TIMP3: variants seen among roughly 807,000 people sequenced by gnomAD.
TIMP3 encodes the protein metalloproteinase inhibitor 3.
TIMP3 carries 11 observed loss-of-function variants against 30.0 expected under a neutral mutation model. That is an observed-to-expected ratio of 0.37 (90% CI 0.23 to 0.61). The LOEUF is 0.61. Ranked by LOEUF, TIMP3 falls within the 20% of genes least tolerant of loss-of-function variation. The pLI is 0.70. For synonymous variants in TIMP3, 112 were observed against 111.3 expected, an observed-to-expected ratio of 1.01 and a Z score of -0.04; for missense variants, 181 against 276.8, an observed-to-expected ratio of 0.65 and a Z score of 2.45.
Position 32,844,859 on chromosome 22 carries a change from C to T in TIMP3, c.122-4593C>T, listed in dbSNP as rs563947345. Reference sequence around the variant, plus strand: ...CTGAGTAGCTGAGACTACAGATACACGGCACCATGCCTGGCTAATTGTTTT... The same window carrying T: ...CTGAGTAGCTGAGACTACAGATACATGGCACCATGCCTGGCTAATTGTTTT... On this transcript the variant is annotated intron_variant, in intron 1 of 4. Transcript: ENST00000266085. 9.2e-5 allele frequency among the ~76,000 whole-genome samples: 14 copies of T among 152,034 alleles called. No homozygotes were observed. The East Asian group carries it at 1.7e-3, about 19-fold the overall frequency.
intron 3 of TIMP3, among the ~76,000 whole-genome samples, chr22:32,857,564 C>G (rs2048405871): frequency 6.6e-6 from 1 of 152,210 alleles, no homozygotes; most frequent in South Asian, 2.1e-4. Flanking sequence ...AGCTCCACCA[C>G]TCACCTGGGG....
At chr22:32,804,933 C>T (rs932859636) in intron 1 of TIMP3, among the ~76,000 whole-genome samples, 8 of 152,146 alleles carry the variant, frequency 5.3e-5, no homozygotes, top group African/African-American at 1.4e-4. Flanking sequence ...ATGAAGAAGG[C>T]GGCCTCGGCC....
chr22:32,802,360 CCTAA>C (rs748265239), intron 1 of TIMP3, among the ~76,000 whole-genome samples: 3 of 152,102 alleles, frequency 2.0e-5, no homozygotes, highest in Non-Finnish European at 2.9e-5. Context: ...CCTTTGCTTT[CCTAA>C]CTTAGGTCGT....
intron 1 of TIMP3, among the ~76,000 whole-genome samples, chr22:32,843,813 T>C (rs577186345): frequency 5.5e-4 from 84 of 152,272 alleles, no homozygotes; most frequent in African/African-American, 1.9e-3. Context: ...TTTGAAGAAA[T>C]GCAGTCTACC....
In TIMP3 at chr22:32,849,401, G is replaced by A. The variant is rs76858597; in HGVS notation, c.122-51G>A. 922 of 1,551,214 alleles carry A rather than the reference G, an allele frequency of 5.9e-4. 5 individuals carry two copies. The African/African-American group carries it at 0.01, about 17-fold the overall frequency. On this transcript the variant is annotated intron_variant, in intron 1 of 4. Transcript: ENST00000266085. ...GTGCCCGCCCTGAGATGCTGTTCCTGATGTGGTTCAGGCCTTCCTAACCTC... is the reference window on the plus strand; with the variant it reads ...GTGCCCGCCCTGAGATGCTGTTCCTAATGTGGTTCAGGCCTTCCTAACCTC...
intron 2 of TIMP3, 139 bp downstream of exon 2, chr22:32,849,673 G>A: frequency 2.5e-6 from 2 of 789,948 alleles, no homozygotes; most frequent in Non-Finnish European, 4.4e-6. Context: ...GCCTGCTGGA[G>A]AGGGAGCTGC....
intron 1 of TIMP3, among the ~76,000 whole-genome samples, chr22:32,844,135 T>C (rs1382973615): frequency 1.3e-5 from 2 of 152,138 alleles, no homozygotes; most frequent in Non-Finnish European, 2.9e-5. Context: ...GGCCTTCTAG[T>C]CTGCCAGTAG....
rs1335493536 is a variant in TIMP3, at chr22:32,801,913, G to A, written c.-89G>A. On this transcript the variant is annotated 5_prime_UTR_variant, in exon 1 of 5. Coordinates refer to ENST00000266085, the MANE Select transcript of TIMP3 (RefSeq NM_000362.5). The surrounding 1 kb of genome is among the most constrained non-coding windows in gnomAD (Gnocchi z 4.7). ...GCCCCGCACGGCCCGGCGGGCGAGC[G>A]AGCTCGGGCTGCAGCAGCCCCGCCG... 2.8e-6 allele frequency: 4 copies of A among 1,425,774 alleles called. No individual in the cohort carries two copies. In the Middle Eastern group the frequency reaches 7.6e-4, roughly 271 times the overall value. The allele number at this position is 1,425,774 out of a possible 1,614,324, so 88.3% of individuals were successfully genotyped here. A position where few individuals can be genotyped will look rare whatever the true frequency, so the allele number is the denominator to read the frequency against.
chr22:32,813,663 A>ATT lies in TIMP3; in HGVS notation c.121+11553_121+11554dup, dbSNP rs130278. ...CGGATCTCTGAGTGAGTAACACCCA[A>ATT]TTTTTTTTTTTTTGGCAAAATGTGT... On this transcript the variant is annotated intron_variant, in intron 1 of 4. Transcript: ENST00000266085. Among the ~76,000 whole-genome samples the ATT allele has an allele frequency of 6.1e-3, 891 of 146,864 alleles. 9 individuals carry two copies. The highest frequency in any genetic ancestry group is 0.018 in the African/African-American group (726 of 40,084).
Position 32,849,542 on chromosome 22 carries a change from A to G in TIMP3, c.204+8A>G, listed in dbSNP as rs1225789557. The G allele has an allele frequency of 2.5e-6, 4 of 1,612,438 alleles. No individual in the cohort carries two copies. In the South Asian group the frequency reaches 4.4e-5, roughly 18 times the overall value. ...ACCATCAAGCAGATGAAGGTAGGTA[A>G]TGTCATCACCCTGGCTCCGGGAAGG... On this transcript the variant is annotated splice_region_variant and intron_variant, in intron 2 of 4. Coordinates refer to ENST00000266085, the MANE Select transcript of TIMP3 (RefSeq NM_000362.5).
chr22:32,810,649 G>A (rs1288113345), intron 1 of TIMP3, among the ~76,000 whole-genome samples: 1 of 152,178 alleles, frequency 6.6e-6, no homozygotes, highest in Non-Finnish European at 1.5e-5. Flanking sequence ...GCCCATGAGG[G>A]TGTCAGGCAC....
chr22:32,818,072 T>G (rs2047134820), intron 1 of TIMP3, among the ~76,000 whole-genome samples: 1 of 152,230 alleles, frequency 6.6e-6, no homozygotes, highest in African/African-American at 2.4e-5. Context: ...AGAGTATCAC[T>G]GAGTCAATAA....
intron 1 of TIMP3, among the ~76,000 whole-genome samples, chr22:32,813,513 ACACAC>A (rs2046970620): frequency 6.7e-6 from 1 of 150,092 alleles, no homozygotes; most frequent in African/African-American, 2.5e-5. Context: ...ACACACACAC[ACACAC>A]ACACACACAC....
chr22:32,822,192 T>C (rs2047269386), intron 1 of TIMP3, among the ~76,000 whole-genome samples: 1 of 149,812 alleles, frequency 6.7e-6, no homozygotes, highest in Non-Finnish European at 1.5e-5. Flanking sequence ...GAGCTCTGTC[T>C]GTCTGTCCTT....
chr22:32,809,765 GGGTT>G (rs1416993410), intron 1 of TIMP3, among the ~76,000 whole-genome samples: 11 of 152,194 alleles, frequency 7.2e-5, no homozygotes, highest in Admixed American at 2.6e-4. Context: ...GTTTTCTCAT[GGGTT>G]CCTGGGTGAT....
intron 1 of TIMP3, among the ~76,000 whole-genome samples, chr22:32,823,724 G>A (rs2047321344): frequency 6.6e-6 from 1 of 152,054 alleles, no homozygotes; most frequent in African/African-American, 2.4e-5. Flanking sequence ...CCGTGTAGGA[G>A]CAGGGGAGGC....
At chr22:32,807,875 A>C (rs2046807697) in intron 1 of TIMP3, among the ~76,000 whole-genome samples, 2 of 152,092 alleles carry the variant, frequency 1.3e-5, no homozygotes, top group African/African-American at 4.8e-5. Context: ...TATATGCAAC[A>C]TGAGGGGATG....
At chr22:32,844,186 T>C (rs1204062142) in intron 1 of TIMP3, among the ~76,000 whole-genome samples, 1 of 152,128 alleles carries the variant, frequency 6.6e-6, no homozygotes, top group Non-Finnish European at 1.5e-5. Flanking sequence ...GGTCTGGATT[T>C]GGTTGACAAT....
intron 1 of TIMP3, among the ~76,000 whole-genome samples, chr22:32,847,220 C>T (rs1427995473): frequency 2.0e-5 from 3 of 152,184 alleles, no homozygotes; most frequent in African/African-American, 7.2e-5. Flanking sequence ...CTGTTATAAC[C>T]TGCCTGTGAG....
Sources: allele counts gnomAD v4.1 joint callset (sites outside exome capture counted in the v4.1 genomes callset), GRCh38; gene constraint gnomAD v4.1.1; non-coding constraint Gnocchi (gnomAD v3.1); transcripts MANE v1.5; gene names NCBI Gene and HGNC (gene_info 2026-07-23, HGNC 2026-07-21).